CASK: variants seen among roughly 807,000 people sequenced by gnomAD.
CASK encodes peripheral plasma membrane protein CASK.
CASK carries 4 observed loss-of-function variants against 82.9 expected under a neutral mutation model. The observed-to-expected ratio is 0.05, with a 90% CI of 0.02 to 0.11. The LOEUF (loss-of-function observed/expected upper bound fraction) is 0.11, where lower values mean the gene tolerates loss of function less well. CASK is among the 10% of genes least tolerant of loss of function. CASK has a pLI of 1.00. For synonymous variants in CASK, 259 were observed against 253.5 expected (o/e 1.02, Z -0.20); for missense variants, 358 against 720.9 (o/e 0.50, Z 5.76).
chrX:41,744,490 C>T (rs190505464), intron 4 of CASK, among the ~76,000 whole-genome samples: 106 of 110,586 alleles, frequency 9.6e-4, no homozygotes, highest in African/African-American at 3.3e-3. Flanking sequence ...GGACTACAGG[C>T]TCCCGCCACC....
intron 1 of CASK, among the ~76,000 whole-genome samples, chrX:41,893,013 G>A (rs1227987055): frequency 8.9e-6 from 1 of 111,989 alleles, no homozygotes; most frequent in Non-Finnish European, 1.9e-5. Flanking sequence ...AATGATGAGA[G>A]CCAGTAGAAA....
At chrX:41,899,656 C>T (rs750833977) in intron 1 of CASK, among the ~76,000 whole-genome samples, 20 of 111,281 alleles carry the variant, frequency 1.8e-4, no homozygotes, top group South Asian at 3.7e-4. Context: ...TATAAAAGTA[C>T]GACACTTTTT....
intron 1 of CASK, among the ~76,000 whole-genome samples, chrX:41,915,897 A>G (rs1448439601): frequency 2.7e-5 from 3 of 111,228 alleles, no homozygotes; most frequent in Non-Finnish European, 5.7e-5. Flanking sequence ...CTGAGGCAGG[A>G]GAATGGCGTG....
intron 1 of CASK, among the ~76,000 whole-genome samples, chrX:41,899,956 G>A (rs1034495643): frequency 9.0e-6 from 1 of 110,969 alleles, no homozygotes; most frequent in African/African-American, 3.3e-5. Context: ...AGTGGGACAT[G>A]AACTCCCACA....
At chrX:41,611,843 C>G (rs912174384) in intron 11 of CASK, among the ~76,000 whole-genome samples, 1 of 110,675 alleles carries the variant, frequency 9.0e-6, no homozygotes, top group South Asian at 3.9e-4. Flanking sequence ...CGATTGCAGG[C>G]GCGCGCCGCC....
At chrX:41,554,171 TAAAG>T (rs1223891981) in intron 20 of CASK, among the ~76,000 whole-genome samples, 2 of 112,590 alleles carry the variant, frequency 1.8e-5, no homozygotes, top group Non-Finnish European at 3.8e-5. Flanking sequence ...TTAATAAAAA[TAAAG>T]ACTTAATTTA....
At chrX:41,799,350 G>A (rs1293201758) in intron 2 of CASK, among the ~76,000 whole-genome samples, 1 of 111,601 alleles carries the variant, frequency 9.0e-6, no homozygotes, top group African/African-American at 3.3e-5. Context: ...AACCACCCTG[G>A]CCAACATGGT....
At chrX:41,684,793 C>T (rs1336151957) in intron 5 of CASK, among the ~76,000 whole-genome samples, 1 of 111,716 alleles carries the variant, frequency 9.0e-6, no homozygotes, top group Non-Finnish European at 1.9e-5. Flanking sequence ...CCACTGTGCC[C>T]GGTTTGTTTT....
chrX:41,909,300 A>G (rs973445937), intron 1 of CASK, among the ~76,000 whole-genome samples: 1 of 112,329 alleles, frequency 8.9e-6, no homozygotes, highest in African/African-American at 3.2e-5. Flanking sequence ...CTGATTGGCC[A>G]CAAACATTTG....
chrX:41,899,784 AAGAG>A (rs1198547216), intron 1 of CASK, among the ~76,000 whole-genome samples: 6 of 111,943 alleles, frequency 5.4e-5, no homozygotes, highest in Non-Finnish European at 1.1e-4. Flanking sequence ...TAATAGAATT[AAGAG>A]AGATTTATGC....
chrX:41,875,212 C>A (rs188775026), intron 1 of CASK, among the ~76,000 whole-genome samples: 1 of 111,946 alleles, frequency 8.9e-6, no homozygotes, highest in African/African-American at 3.2e-5. Context: ...CAGAGTAGAA[C>A]TGATGAGAGA....
At chrX:41,901,737 C>T (rs2072385704) in intron 1 of CASK, among the ~76,000 whole-genome samples, 1 of 111,555 alleles carries the variant, frequency 9.0e-6, no homozygotes, top group Non-Finnish European at 1.9e-5. Flanking sequence ...CCAGGGTCCA[C>T]TCAGGTAAGC....
At chrX:41,654,760 A>C (rs895297620) in intron 8 of CASK, among the ~76,000 whole-genome samples, 1 of 112,202 alleles carries the variant, frequency 8.9e-6, no homozygotes, top group African/African-American at 3.2e-5. Flanking sequence ...TAATACTATC[A>C]AAGGTTGGTA....
At chrX:41,711,136 G>GC (rs1218183687) in intron 5 of CASK, among the ~76,000 whole-genome samples, 1 of 112,043 alleles carries the variant, frequency 8.9e-6, no homozygotes, top group Non-Finnish European at 1.9e-5. Flanking sequence ...CCTGGGGCTA[G>GC]CCATTGGCAT....
intron 9 of CASK, among the ~76,000 whole-genome samples, chrX:41,628,256 C>G (rs756694542): frequency 8.9e-6 from 1 of 112,080 alleles, no homozygotes; most frequent in African/African-American, 3.2e-5. Context: ...TTGAATTTTT[C>G]TGGAAAGATA....
At chrX:41,669,122 C>T (rs1474956551) in intron 6 of CASK, among the ~76,000 whole-genome samples, 4 of 111,350 alleles carry the variant, frequency 3.6e-5, no homozygotes, top group Admixed American at 9.6e-5. Flanking sequence ...TTTTTTAAAA[C>T]GTAACATTCA....
chrX:41,758,988 C>CT (rs1222224216), intron 3 of CASK, among the ~76,000 whole-genome samples: 2 of 111,920 alleles, frequency 1.8e-5, no homozygotes, highest in Non-Finnish European at 3.8e-5. Context: ...GGGGTGAACT[C>CT]TTTATGTTCG....
intron 3 of CASK, among the ~76,000 whole-genome samples, chrX:41,779,935 C>CA (rs950738364): frequency 3.7e-5 from 4 of 108,616 alleles, no homozygotes; most frequent in Non-Finnish European, 7.7e-5. Context: ...TTAAAATATA[C>CA]AAAAAAATTA....
At chrX:41,542,474 T>C (rs188151669) in intron 22 of CASK, among the ~76,000 whole-genome samples, 21 of 113,004 alleles carry the variant, frequency 1.9e-4, no homozygotes, top group Non-Finnish European at 3.9e-4. Flanking sequence ...CAAAATAACA[T>C]TTTTGTCCTA....
Sources: gnomAD v4.1 joint callset for allele counts (sites outside exome capture counted in the v4.1 genomes callset) on GRCh38, gnomAD v4.1.1 for gene constraint, MANE v1.5 for transcripts, NCBI Gene and HGNC (gene_info 2026-07-23, HGNC 2026-07-21) for gene names.